Variants in PHOX2B observed in about 807,000 individuals in gnomAD.
PHOX2B encodes the protein paired mesoderm homeobox protein 2B.
A neutral mutation model predicts 15.5 loss-of-function variants in PHOX2B; 1 was observed. The ratio of observed to expected loss-of-function variants is 0.06; its 90% CI spans 0.02 to 0.31. The LOEUF (loss-of-function observed/expected upper bound fraction) is 0.31. Ranked by LOEUF, PHOX2B falls within the 10% of genes least tolerant of loss-of-function variation. The probability of loss-of-function intolerance (pLI) is 1.00; values close to 1 mark genes in which losing one functional copy is unlikely to be tolerated. For synonymous variants in PHOX2B, 206 were observed against 190.5 expected (o/e 1.08, Z -0.67); for missense variants, 314 against 436.4 (o/e 0.72, Z 2.50).
intron 1 of PHOX2B, among the ~76,000 whole-genome samples, chr4:41,747,973 A>T (rs372530232): frequency 6.6e-6 from 1 of 152,312 alleles, no homozygotes; most frequent in East Asian, 1.9e-4. Context: ...AAAAAATAAT[A>T]ATAAATTAAA....
Position 41,745,846 on chromosome 4 carries a change from G to T in PHOX2B, c.906C>A (p.Asn302Lys), listed in dbSNP as rs1368103166. The T allele has an allele frequency of 6.2e-7, 1 of 1,609,848 alleles. No homozygotes were observed. Among genetic ancestry groups the T allele is most frequent in the South Asian group, 1.1e-5 (1 of 90,810 alleles). The change falls in exon 3 of 3, where the codon AAC becomes AAA. Residue 302 changes from asparagine (N) to lysine (K), a missense_variant. Coordinates refer to ENST00000226382, the MANE Select transcript of PHOX2B (RefSeq NM_003924.4). The surrounding 1 kb of genome is among the most constrained non-coding windows in gnomAD (Gnocchi z 4.0). ...TCTTCACTAAGGCGGCTTTGGCACC[G>T]TTGGGTCTTTGGAGCGAAGATAGGA... ...ASVLSSLQRP[N>K]GAKAALVKSS...
rs779171868 is a variant in PHOX2B, at chr4:41,745,787, C to T, written c.*20G>A. 4 of 1,597,252 alleles carry T rather than the reference C, an allele frequency of 2.5e-6. No homozygotes were observed. The African/African-American group carries it at 5.4e-5, about 22-fold the overall frequency. ...GCTCGCCCGCTGTCGCCGCCGCCGCCGCCGCCGCAGGATTCCAGATCAGAA... is the reference window on the plus strand; with the variant it reads ...GCTCGCCCGCTGTCGCCGCCGCCGCTGCCGCCGCAGGATTCCAGATCAGAA... On this transcript the variant is annotated 3_prime_UTR_variant, in exon 3 of 3. Transcript: ENST00000226382. This position sits in a 1 kb window ranked among gnomAD's most constrained non-coding sequence, Gnocchi z 4.0.
rs753912150 is a variant in PHOX2B at position 41,745,834 on chromosome 4, G to T, written c.918C>A (p.Ala306=). 22 of 1,609,600 alleles carry T rather than the reference G, an allele frequency of 1.4e-5. No homozygotes were observed. Among genetic ancestry groups the T allele is most frequent in the Non-Finnish European group, 1.7e-5 (20 of 1,178,102 alleles). Reference sequence around the variant, plus strand: ...AGAACATACTGCTCTTCACTAAGGCGGCTTTGGCACCGTTGGGTCTTTGGA... The same window carrying T: ...AGAACATACTGCTCTTCACTAAGGCTGCTTTGGCACCGTTGGGTCTTTGGA... ...SSLQRPNGAK[A]ALVKSSMF is the part of the protein sequence containing the mutation. The change falls in exon 3 of 3, where the codon GCC becomes GCA. Residue 306 remains alanine (A), a synonymous_variant. Transcript: ENST00000226382. The surrounding 1 kb of genome is among the most constrained non-coding windows in gnomAD (Gnocchi z 4.0).
At position 41,748,544 on chromosome 4, in the gene PHOX2B, T is replaced by C; in HGVS notation, c.67A>G (p.Thr23Ala). 1.2e-6 allele frequency: 2 copies of C among 1,613,834 alleles called. No individual in the cohort carries two copies. The highest frequency in any genetic ancestry group is 1.7e-6 in the Non-Finnish European group (2 of 1,179,766). ...GCATAGGCTGAAGCCAGGCTCGAGG[T>C]GTCCATCCCAGCCATACAGGACTCG... ...AYESCMAGMD[T>A]SSLASAYADF... The change falls in exon 1 of 3, where the codon ACC becomes GCC. Residue 23 changes from threonine (T) to alanine (A), a missense_variant. Physicochemically the swap from Thr to Ala is moderately conservative, Grantham distance 58 (BLOSUM62 0). Transcript: ENST00000226382.
chr4:41,744,128 A>T lies in PHOX2B; in HGVS notation c.*1679T>A, dbSNP rs759116131. ...TTATCAACAATCAAGTTAATGGTAC[A>T]CTCTTGGAAAACTATATGCACATGT... On this transcript the variant is annotated 3_prime_UTR_variant, in exon 3 of 3. Coordinates refer to ENST00000226382, the MANE Select transcript of PHOX2B (RefSeq NM_003924.4). 1 of 187,740 alleles carries T rather than the reference A, an allele frequency of 5.3e-6. No homozygotes were observed. The highest frequency in any genetic ancestry group is 6.2e-5 in the Admixed American group (1 of 16,114). The allele number at this position is 187,740 out of a possible 1,614,324, so 11.6% of individuals were successfully genotyped here. A position where few individuals can be genotyped will look rare whatever the true frequency, so the allele number is the denominator to read the frequency against.
chr4:41,746,018 G>T lies in PHOX2B; in HGVS notation c.734C>A (p.Ala245Glu). The T allele has an allele frequency of 8.7e-7, 1 of 1,153,208 alleles. No homozygotes were observed. The highest frequency in any genetic ancestry group is 1.6e-5 in the African/African-American group (1 of 60,616). 71.4% of individuals were successfully genotyped at this position (1,153,208 alleles called of 1,614,324 possible). ...CGCCGCCGCCGCTGCCGCGGCCGCC[G>T]CCGCTGCTGCTGCGCCGCCCTTGCC... The part of the protein sequence containing the change: ...EPGKGGAAAA[A>E]AAAAAAAAAA... Residue 245 changes from alanine (A) to glutamate (E), a missense_variant, in exon 3 of 3, where the codon GCG becomes GAG. By Grantham distance (107) the Ala-to-Glu change is moderately radical (BLOSUM62 -1). This residue lies in a region of PHOX2B where 157 missense variants were observed against 169.0 expected (regional missense o/e 0.93). Coordinates refer to ENST00000226382, the MANE Select transcript of PHOX2B (RefSeq NM_003924.4).
rs895505006 is a variant in PHOX2B at position 41,744,339 on chromosome 4, C to G, written c.*1468G>C. 16 of 228,996 alleles carry G rather than the reference C, an allele frequency of 7.0e-5. No individual in the cohort carries two copies. The East Asian group carries it at 1.0e-3, about 14-fold the overall frequency. 14.2% of individuals were successfully genotyped at this position (228,996 alleles called of 1,614,324 possible). A position where few individuals can be genotyped will look rare whatever the true frequency, so the allele number is the denominator to read the frequency against. On this transcript the variant is annotated 3_prime_UTR_variant, in exon 3 of 3. Transcript: ENST00000226382. The stretch of plus-strand genomic sequence containing the variant: ...TTGTCTGAACCGTGGCCTCTCTAAA[C>G]ACAAAAGATTGAACCCGTGAGAACC...
intron 1 of PHOX2B, 78 bp from the exon 2 acceptor site, chr4:41,747,614 T>C (rs1733953093): frequency 1.6e-6 from 2 of 1,240,288 alleles, no homozygotes; most frequent in Non-Finnish European, 1.2e-6. Flanking sequence ...ATGTGAGGAC[T>C]CCAAGGTCAG....
rs1345315735 is a variant in PHOX2B at position 41,745,796 on chromosome 4, A to C, written c.*11T>G. 1 of 1,591,542 alleles carries C rather than the reference A, an allele frequency of 6.3e-7. No homozygotes were observed. The highest frequency in any genetic ancestry group is 2.3e-5 in the East Asian group (1 of 43,776). ...CTGTCGCCGCCGCCGCCGCCGCCGC[A>C]GGATTCCAGATCAGAACATACTGCT... On this transcript the variant is annotated 3_prime_UTR_variant, in exon 3 of 3. Transcript: ENST00000226382. The surrounding 1 kb of genome is among the most constrained non-coding windows in gnomAD (Gnocchi z 4.0).
rs772252596 is a variant in PHOX2B, at chr4:41,744,722, C to T, written c.*1085G>A. ...CGTGTGTGTGTGCCTTTTCCTTGCT[C>T]GGTAGATTTCTCTGCAGCCAGTTAC... On this transcript the variant is annotated 3_prime_UTR_variant, in exon 3 of 3. Transcript: ENST00000226382. 27 of 233,384 alleles carry T rather than the reference C, an allele frequency of 1.2e-4. No individual in the cohort carries two copies. Among genetic ancestry groups the T allele is most frequent in the Middle Eastern group, 1.2e-3 (1 of 808 alleles). 14.5% of individuals were successfully genotyped at this position (233,384 alleles called of 1,614,324 possible). A position where few individuals can be genotyped will look rare whatever the true frequency, so the allele number is the denominator to read the frequency against.
At position 41,745,603 on chromosome 4, in the gene PHOX2B, G is replaced by A. The variant is rs547049342; in HGVS notation, c.*204C>T. 8.5e-6 allele frequency: 5 copies of A among 585,190 alleles called. No homozygotes were observed. The highest frequency in any genetic ancestry group is 3.9e-5 in the African/African-American group (2 of 51,000). 36.2% of individuals were successfully genotyped at this position (585,190 alleles called of 1,614,324 possible). A position where few individuals can be genotyped will look rare whatever the true frequency, so the allele number is the denominator to read the frequency against. ...GGAAGTTTGTTTGTTTTGTTTGGGG[G>A]TTGAGGAAGGGGGTAGGAGTGGGGT... On this transcript the variant is annotated 3_prime_UTR_variant, in exon 3 of 3. Transcript: ENST00000226382. This position sits in a 1 kb window ranked among gnomAD's most constrained non-coding sequence, Gnocchi z 4.0.
Position 41,746,144 on chromosome 4 carries a change from T to C in PHOX2B, c.608A>G (p.Asn203Ser), listed in dbSNP as rs778887680. The change falls in exon 3 of 3, where the codon AAC becomes AGC. Residue 203 changes from asparagine (N) to serine (S), a missense_variant. Around this residue, in one of 7 missense-constraint regions of PHOX2B, gnomAD observed 157 missense variants for 169.0 expected, o/e 0.93. Coordinates refer to ENST00000226382, the MANE Select transcript of PHOX2B (RefSeq NM_003924.4). ...ATTCGCCCCGCAGCTGGGGGTGGGG[T>C]TGGGATTGGGACCTGGGCCCCCAGT... ...DSTGGPGPNP[N>S]PTPSCGANGG... is the part of the protein sequence containing the mutation. The C allele has an allele frequency of 8.7e-6, 14 of 1,604,996 alleles. No individual in the cohort carries two copies. Among genetic ancestry groups the C allele is most frequent in the Non-Finnish European group, 1.1e-5 (13 of 1,176,862 alleles).
intron 2 of PHOX2B, among the ~76,000 whole-genome samples, chr4:41,746,634 C>T (rs776440195): frequency 6.6e-6 from 1 of 152,190 alleles, no homozygotes; most frequent in African/African-American, 2.4e-5. Flanking sequence ...TCTGTTCAGT[C>T]GGCTTCTTGA....
chr4:41,746,963 G>A (rs934680415), intron 2 of PHOX2B, among the ~76,000 whole-genome samples: 4 of 151,790 alleles, frequency 2.6e-5, no homozygotes, highest in Non-Finnish European at 5.9e-5. Context: ...CATGGGGCCA[G>A]GTTAAAAGCA....
At chr4:41,747,167 G>T (rs148316114) in intron 2 of PHOX2B, among the ~76,000 whole-genome samples, 182 bp downstream of exon 2, 22 of 152,318 alleles carry the variant, frequency 1.4e-4, no homozygotes, top group African/African-American at 5.1e-4. Flanking sequence ...AATGCCAAGA[G>T]CGTGCGCTCT....
At position 41,746,136 on chromosome 4, in the gene PHOX2B, G is replaced by A. The variant is rs754754489; in HGVS notation, c.616C>T (p.Pro206Ser). ...CCGCCTCCATTCGCCCCGCAGCTGG[G>A]GGTGGGGTTGGGATTGGGACCTGGG... ...GGPGPNPNPT[P>S]SCGANGGGGG... The change falls in exon 3 of 3, where the codon CCC becomes TCC. Residue 206 changes from proline (P) to serine (S), a missense_variant. Physicochemically the swap from Pro to Ser is moderately conservative, Grantham distance 74. This residue lies in a region of PHOX2B where 157 missense variants were observed against 169.0 expected (regional missense o/e 0.93). Coordinates refer to ENST00000226382, the MANE Select transcript of PHOX2B (RefSeq NM_003924.4). The A allele has an allele frequency of 6.2e-7, 1 of 1,605,766 alleles. No homozygotes were observed. The highest frequency in any genetic ancestry group is 8.5e-7 in the Non-Finnish European group (1 of 1,177,758).
Position 41,747,450 on chromosome 4 carries a change from G to C in PHOX2B, c.328C>G (p.Leu110Val). The change falls in exon 2 of 3, where the codon CTC becomes GTC. Residue 110 changes from leucine (L) to valine (V), a missense_variant. By Grantham distance (32) the Leu-to-Val change is conservative (BLOSUM62 1). Coordinates refer to ENST00000226382, the MANE Select transcript of PHOX2B (RefSeq NM_003924.4). Reference sequence around the variant, plus strand: ...GCGAAGACCCTTTCCAGCTCTTTGAGCTGGGCACTGGTGAAAGTGGTGCGG... The same window carrying C: ...GCGAAGACCCTTTCCAGCTCTTTGACCTGGGCACTGGTGAAAGTGGTGCGG... Reference protein sequence around the residue: ...RIRTTFTSAQLKELERVFAET... With the variant: ...RIRTTFTSAQVKELERVFAET... 1 of 1,611,566 alleles carries C rather than the reference G, an allele frequency of 6.2e-7. No homozygotes were observed. The highest frequency in any genetic ancestry group is 8.5e-7 in the Non-Finnish European group (1 of 1,179,872).
In PHOX2B at chr4:41,745,972, A is replaced by AGCTGCCGCC; in HGVS notation, c.771_779dup (p.Ala258_Ala260dup). The AGCTGCCGCC allele has an allele frequency of 1.5e-6, 2 of 1,328,456 alleles. No individual in the cohort carries two copies. Among genetic ancestry groups the AGCTGCCGCC allele is most frequent in the East Asian group, 2.9e-5 (1 of 34,304 alleles). The allele number at this position is 1,328,456 out of a possible 1,614,324, so 82.3% of individuals were successfully genotyped here. The stretch of plus-strand genomic sequence containing the variant: ...GGCCCCCAGCCGCAGCCAGGCCTCC[A>AGCTGCCGCC]GCTGCCGCCGCTGCCGCTGCCGCCG... On this transcript the variant is annotated inframe_insertion, in exon 3 of 3. Transcript: ENST00000226382. This position sits in a 1 kb window ranked among gnomAD's most constrained non-coding sequence, Gnocchi z 4.0.
chr4:41,748,192 C>T (rs1235370897), intron 1 of PHOX2B, 178 bp downstream of exon 1: 9 of 682,964 alleles, frequency 1.3e-5, no homozygotes, highest in Admixed American at 5.2e-5. Context: ...GATAGTGTAA[C>T]CCTGTAAGTG....
Sources: gnomAD v4.1 joint callset for allele counts (sites outside exome capture counted in the v4.1 genomes callset) on GRCh38, gnomAD v4.1.1 for gene constraint, gnomAD v4.1.1 regional missense constraint, Gnocchi (gnomAD v3.1) non-coding constraint, MANE v1.5 for transcripts, NCBI Gene and HGNC (gene_info 2026-07-23, HGNC 2026-07-21) for gene names.